Variants in CHMP1B observed in about 807,000 individuals in gnomAD.
CHMP1B encodes the protein charged multivesicular body protein 1B.
Under a neutral mutation model 11.5 loss-of-function variants are expected in CHMP1B, and 5 were observed. That is an observed-to-expected ratio of 0.43 (90% CI 0.23 to 0.91). The LOEUF (loss-of-function observed/expected upper bound fraction) is 0.91. Among genes scored for constraint, CHMP1B ranks in the 40% least tolerant of loss-of-function variants. The probability of loss-of-function intolerance (pLI) is 0.25; values close to 1 mark genes in which losing one functional copy is unlikely to be tolerated. For synonymous variants in CHMP1B, 105 were observed against 105.7 expected (o/e 0.99, Z 0.04); for missense variants, 246 against 261.2 (o/e 0.94, Z 0.40).
rs2035920772 is a variant in CHMP1B at position 11,853,134 on chromosome 18, A to C, written c.*1023A>C. The C allele has an allele frequency of 6.0e-6, 1 of 167,070 alleles. No homozygotes were observed. Among genetic ancestry groups the C allele is most frequent in the Non-Finnish European group, 1.5e-5 (1 of 68,124 alleles). 10.3% of individuals were successfully genotyped at this position (167,070 alleles called of 1,614,324 possible). A position where few individuals can be genotyped will look rare whatever the true frequency, so the allele number is the denominator to read the frequency against. ...AATTAGAACTGCGTTTTAAGTTCTA[A>C]TTTGCATTTATTAATTTGTCCAAAA... On this transcript the variant is annotated 3_prime_UTR_variant, in exon 1 of 1. Coordinates refer to ENST00000526991, the MANE Select transcript of CHMP1B (RefSeq NM_020412.5).
chr18:11,851,459 T>A lies in CHMP1B; in HGVS notation c.-53T>A. On this transcript the variant is annotated 5_prime_UTR_variant, in exon 1 of 1. Transcript: ENST00000526991. ...GGGAGCGGACTTACCTTACCTTCTC[T>A]GCCTTCGGCGCGCTTCTCAGCCGGG... is the stretch of plus-strand genomic sequence containing the variant. 10 of 1,477,128 alleles carry A rather than the reference T, an allele frequency of 6.8e-6. No individual in the cohort carries two copies. The highest frequency in any genetic ancestry group is 8.9e-6 in the Non-Finnish European group (10 of 1,119,840). The allele number at this position is 1,477,128 out of a possible 1,614,324, so 91.5% of individuals were successfully genotyped here.
rs2035956133 is a variant in CHMP1B at position 11,854,444 on chromosome 18, A to C, written c.*2333A>C. On this transcript the variant is annotated 3_prime_UTR_variant, in exon 1 of 1. Transcript: ENST00000526991. Reference sequence around the variant, plus strand: ...TGTCAATTAAATCATTTTAAACTGCATGTTATTGGATGTGAGTGTGCATCC... The same window carrying C: ...TGTCAATTAAATCATTTTAAACTGCCTGTTATTGGATGTGAGTGTGCATCC... The C allele has an allele frequency of 6.0e-6, 1 of 167,100 alleles. No individual in the cohort carries two copies. The highest frequency in any genetic ancestry group is 1.5e-5 in the Non-Finnish European group (1 of 68,118). 10.4% of individuals were successfully genotyped at this position (167,100 alleles called of 1,614,324 possible).
rs1399636356 is a variant in CHMP1B, at chr18:11,852,635, CAGTG to C, written c.*527_*530del. 6 of 164,878 alleles carry C rather than the reference CAGTG, an allele frequency of 3.6e-5. No homozygotes were observed. Among genetic ancestry groups the C allele is most frequent in the East Asian group, 1.9e-4 (1 of 5,158 alleles). The allele number at this position is 164,878 out of a possible 1,614,324, so 10.2% of individuals were successfully genotyped here. A position where few individuals can be genotyped will look rare whatever the true frequency, so the allele number is the denominator to read the frequency against. ...TTTGTTTTTTTTTTTTTTGCCTTCA[CAGTG>C]AGACTGCAAATGATTGTTCTCATAA... On this transcript the variant is annotated 3_prime_UTR_variant, in exon 1 of 1. Transcript: ENST00000526991.
chr18:11,852,504 A>G lies in CHMP1B; in HGVS notation c.*393A>G, dbSNP rs2035900506. 5.0e-6 allele frequency: 1 copy of G among 199,952 alleles called. No homozygotes were observed. The highest frequency in any genetic ancestry group is 5.3e-5 in the Admixed American group (1 of 18,854). 12.4% of individuals were successfully genotyped at this position (199,952 alleles called of 1,614,324 possible). A position where few individuals can be genotyped will look rare whatever the true frequency, so the allele number is the denominator to read the frequency against. ...TCTAGAATGGCAGGTGGTGCATAAA[A>G]GTTAAAGAGAGGGGAAAGATTACTT... On this transcript the variant is annotated 3_prime_UTR_variant, in exon 1 of 1. Transcript: ENST00000526991.
chr18:11,851,599 A>G lies in CHMP1B; in HGVS notation c.88A>G (p.Lys30Glu). Residue 30 changes from lysine (K) to glutamate (E), a missense_variant, in exon 1 of 1, where the codon AAG becomes GAG. Transcript: ENST00000526991. ...RSAKKCDKEE[K>E]AEKAKIKKAI... is the part of the protein sequence containing the mutation. ...TGCCAAAAAATGCGATAAGGAGGAA[A>G]AGGCCGAAAAGGCCAAAATTAAAAA... The G allele has an allele frequency of 6.2e-7, 1 of 1,613,616 alleles. No individual in the cohort carries two copies. Among genetic ancestry groups the G allele is most frequent in the Non-Finnish European group, 8.5e-7 (1 of 1,179,690 alleles).
rs1044918886 is a variant in CHMP1B at position 11,852,357 on chromosome 18, A to C, written c.*246A>C. 12 of 497,008 alleles carry C rather than the reference A, an allele frequency of 2.4e-5. No individual in the cohort carries two copies. The highest frequency in any genetic ancestry group is 4.4e-5 in the Non-Finnish European group (12 of 273,250). The allele number at this position is 497,008 out of a possible 1,614,324, so 30.8% of individuals were successfully genotyped here. A position where few individuals can be genotyped will look rare whatever the true frequency, so the allele number is the denominator to read the frequency against. ...TTTATAGCAGCCTTTTAACAGAACT[A>C]GTTAATTTCGTGTATATGAATCTTT... On this transcript the variant is annotated 3_prime_UTR_variant, in exon 1 of 1. Transcript: ENST00000526991.
Position 11,852,255 on chromosome 18 carries a change from A to C in CHMP1B, c.*144A>C. 1 of 957,950 alleles carries C rather than the reference A, an allele frequency of 1.0e-6. No individual in the cohort carries two copies. The allele number at this position is 957,950 out of a possible 1,614,324, so 59.3% of individuals were successfully genotyped here. A position where few individuals can be genotyped will look rare whatever the true frequency, so the allele number is the denominator to read the frequency against. The stretch of plus-strand genomic sequence containing the variant: ...TACCTTTGGGTTTACAGCCCCCTCC[A>C]CATAAATTAAGAAATTCAGTATTTC... On this transcript the variant is annotated 3_prime_UTR_variant, in exon 1 of 1. Transcript: ENST00000526991.
rs2035891406 is a variant in CHMP1B, at chr18:11,852,221, A to T, written c.*110A>T. The stretch of plus-strand genomic sequence containing the variant: ...ACTCTGAACACGCCAGAATGCTGAA[A>T]TGCCCTTCTACCTTTGGGTTTACAG... On this transcript the variant is annotated 3_prime_UTR_variant, in exon 1 of 1. Transcript: ENST00000526991. 1 of 1,341,018 alleles carries T rather than the reference A, an allele frequency of 7.5e-7. No homozygotes were observed. Among genetic ancestry groups the T allele is most frequent in the Admixed American group, 2.9e-5 (1 of 34,544 alleles). The allele number at this position is 1,341,018 out of a possible 1,614,324, so 83.1% of individuals were successfully genotyped here. A position where few individuals can be genotyped will look rare whatever the true frequency, so the allele number is the denominator to read the frequency against.
rs1371062795 is a variant in CHMP1B at position 11,851,664 on chromosome 18, C to A, written c.153C>A (p.His51Gln). ...GCAACATGGAAGTTGCGAGGATACA[C>A]GCCGAAAATGCCATCCGCCAGAAGA... ...QKGNMEVARI[H>Q]AENAIRQKNQ... The change falls in exon 1 of 1, where the codon CAC becomes CAA. Residue 51 changes from histidine to glutamine, a missense_variant. His to Gln is a conservative substitution (Grantham distance 24, BLOSUM62 0). Transcript: ENST00000526991. 4.3e-5 allele frequency: 69 copies of A among 1,613,994 alleles called. No homozygotes were observed. The highest frequency in any genetic ancestry group is 5.8e-5 in the Non-Finnish European group (68 of 1,179,900).
At position 11,853,995 on chromosome 18, in the gene CHMP1B, T is replaced by C. The variant is rs2035944174; in HGVS notation, c.*1884T>C. ...GCACCACCATGCCCAGCTAGTTTTTTTGTATTTTTAGTAGAGACAGGGTTT... is the reference window on the plus strand; with the variant it reads ...GCACCACCATGCCCAGCTAGTTTTTCTGTATTTTTAGTAGAGACAGGGTTT... On this transcript the variant is annotated 3_prime_UTR_variant, in exon 1 of 1. Transcript: ENST00000526991. 1 of 165,538 alleles carries C rather than the reference T, an allele frequency of 6.0e-6. No individual in the cohort carries two copies. The highest frequency in any genetic ancestry group is 2.1e-4 in the South Asian group (1 of 4,822). The allele number at this position is 165,538 out of a possible 1,614,324, so 10.3% of individuals were successfully genotyped here. A position where few individuals can be genotyped will look rare whatever the true frequency, so the allele number is the denominator to read the frequency against.
chr18:11,851,529 A>C lies in CHMP1B; in HGVS notation c.18A>C (p.Lys6Asn), dbSNP rs760445799. Residue 6 changes from lysine to asparagine, a missense_variant, in exon 1 of 1, where the codon AAA (lysine) becomes AAC (asparagine). Coordinates refer to ENST00000526991, the MANE Select transcript of CHMP1B (RefSeq NM_020412.5). MSNME[K>N]HLFNLKFAAK... ...GTCCGACTATGTCTAACATGGAGAA[A>C]CACCTGTTCAACCTGAAGTTCGCGG... is the stretch of plus-strand genomic sequence containing the variant. 1.2e-5 allele frequency: 19 copies of C among 1,597,922 alleles called. No homozygotes were observed. The highest frequency in any genetic ancestry group is 1.4e-5 in the Non-Finnish European group (17 of 1,173,374).
At position 11,852,210 on chromosome 18, in the gene CHMP1B, A is replaced by G. The variant is rs969972365; in HGVS notation, c.*99A>G. The G allele has an allele frequency of 7.2e-7, 1 of 1,394,880 alleles. No individual in the cohort carries two copies. The highest frequency in any genetic ancestry group is 9.5e-7 in the Non-Finnish European group (1 of 1,048,424). The allele number at this position is 1,394,880 out of a possible 1,614,324, so 86.4% of individuals were successfully genotyped here. A position where few individuals can be genotyped will look rare whatever the true frequency, so the allele number is the denominator to read the frequency against. On this transcript the variant is annotated 3_prime_UTR_variant, in exon 1 of 1. Coordinates refer to ENST00000526991, the MANE Select transcript of CHMP1B (RefSeq NM_020412.5). ...ATACCCTAGAAACTCTGAACACGCC[A>G]GAATGCTGAAATGCCCTTCTACCTT...
At position 11,851,780 on chromosome 18, in the gene CHMP1B, A is replaced by C. The variant is rs1422738305; in HGVS notation, c.269A>C (p.Lys90Thr). The change falls in exon 1 of 1, where the codon AAG becomes ACG. Residue 90 changes from lysine (K) to threonine (T), a missense_variant. Coordinates refer to ENST00000526991, the MANE Select transcript of CHMP1B (RefSeq NM_020412.5). ...GCGGTGACGATGGGCAAGGTGACCAAGTCGATGGCTGGTGTGGTTAAGTCG... is the reference window on the plus strand; with the variant it reads ...GCGGTGACGATGGGCAAGGTGACCACGTCGATGGCTGGTGTGGTTAAGTCG... Reference protein sequence around the residue: ...QTAVTMGKVTKSMAGVVKSMD... With the variant: ...QTAVTMGKVTTSMAGVVKSMD... The C allele has an allele frequency of 2.5e-5, 41 of 1,613,902 alleles. No individual in the cohort carries two copies. The highest frequency in any genetic ancestry group is 3.3e-5 in the Non-Finnish European group (39 of 1,179,918).
rs1322218314 is a variant in CHMP1B at position 11,852,510 on chromosome 18, A to C, written c.*399A>C. On this transcript the variant is annotated 3_prime_UTR_variant, in exon 1 of 1. Transcript: ENST00000526991. Reference sequence around the variant, plus strand: ...ATGGCAGGTGGTGCATAAAAGTTAAAGAGAGGGGAAAGATTACTTAGTTTG... The same window carrying C: ...ATGGCAGGTGGTGCATAAAAGTTAACGAGAGGGGAAAGATTACTTAGTTTG... 5.0e-6 allele frequency: 1 copy of C among 198,442 alleles called. No individual in the cohort carries two copies. Among genetic ancestry groups the C allele is most frequent in the Admixed American group, 5.3e-5 (1 of 18,818 alleles). 12.3% of individuals were successfully genotyped at this position (198,442 alleles called of 1,614,324 possible).
At position 11,851,541 on chromosome 18, in the gene CHMP1B, C is replaced by T. The variant is rs2035866948; in HGVS notation, c.30C>T (p.Asn10=). MSNMEKHLF[N]LKFAAKELSR... ...CTAACATGGAGAAACACCTGTTCAA[C>T]CTGAAGTTCGCGGCCAAAGAACTGA... Residue 10 remains asparagine (N), a synonymous_variant, in exon 1 of 1, where the codon AAC becomes AAT. Coordinates refer to ENST00000526991, the MANE Select transcript of CHMP1B (RefSeq NM_020412.5). 6.2e-7 allele frequency: 1 copy of T among 1,605,830 alleles called. No individual in the cohort carries two copies. Among genetic ancestry groups the T allele is most frequent in the Non-Finnish European group, 8.5e-7 (1 of 1,176,622 alleles).
In CHMP1B at chr18:11,851,577, C is replaced by G. The variant is rs779686955; in HGVS notation, c.66C>G (p.Ala22=). ...KFAAKELSRS[A]KKCDKEEKAE... ...CGGCCAAAGAACTGAGTAGGAGTGC[C>G]AAAAAATGCGATAAGGAGGAAAAGG... is the stretch of plus-strand genomic sequence containing the variant. The change falls in exon 1 of 1, where the codon GCC becomes GCG. Residue 22 remains alanine (A), a synonymous_variant. Transcript: ENST00000526991. 2 of 1,612,316 alleles carry G rather than the reference C, an allele frequency of 1.2e-6. No homozygotes were observed. Among genetic ancestry groups the G allele is most frequent in the Admixed American group, 1.7e-5 (1 of 59,634 alleles).
Sources: allele counts gnomAD v4.1 joint callset, GRCh38; gene constraint gnomAD v4.1.1; transcripts MANE v1.5; gene names NCBI Gene and HGNC (gene_info 2026-07-23, HGNC 2026-07-21).